SUGCT: variants seen among roughly 807,000 people sequenced by gnomAD.
SUGCT encodes succinyl-CoA:glutarate-CoA transferase.
Under a neutral mutation model 55.0 loss-of-function variants are expected in SUGCT, and 41 were observed. The ratio of observed to expected loss-of-function variants is 0.74; its 90% confidence interval spans 0.58 to 0.97. The LOEUF is 0.97. Among genes scored for constraint, SUGCT ranks in the 50% least tolerant of loss-of-function variants. The pLI is 0.00. For missense variants in SUGCT, 568 were observed against 547.8 expected, an observed-to-expected ratio of 1.04 and a Z score of -0.37; for synonymous variants, 187 against 200.4, an observed-to-expected ratio of 0.93 and a Z score of 0.56.
chr7:40,602,000 T>A (rs941160321), intron 12 of SUGCT, among the ~76,000 whole-genome samples: 4 of 152,226 alleles, frequency 2.6e-5, no homozygotes, highest in Non-Finnish European at 5.9e-5. Context: ...TTTATAGACA[T>A]ACTCTTTCAA....
intron 7 of SUGCT, among the ~76,000 whole-genome samples, chr7:40,269,486 CTAATTTTTGTATTTATCG>C (rs1230188680): frequency 3.3e-5 from 5 of 151,942 alleles, no homozygotes; most frequent in African/African-American, 1.2e-4. Flanking sequence ...CTATGTCTGG[CTAATTTTTGTATTTATCG>C]TAGAGATGTG....
the SUGCT span, among the ~76,000 whole-genome samples, chr7:40,947,015 G>C: frequency 6.6e-6 from 1 of 151,902 alleles, no homozygotes; most frequent in Non-Finnish European, 1.5e-5. Context: ...TTCAAGTTTG[G>C]AAATTTTTCA....
intron 9 of SUGCT, among the ~76,000 whole-genome samples, chr7:40,390,114 AG>A (rs1480146976): frequency 1.3e-5 from 2 of 152,214 alleles, no homozygotes; most frequent in Non-Finnish European, 2.9e-5. Flanking sequence ...TCAATAAAGT[AG>A]GTATTGATGG....
intron 12 of SUGCT, among the ~76,000 whole-genome samples, chr7:40,641,367 G>T (rs1343422265): frequency 6.6e-6 from 1 of 152,138 alleles, no homozygotes; most frequent in Non-Finnish European, 1.5e-5. Context: ...TTTGCAGTGG[G>T]TTAATGAAGT....
At chr7:40,229,828 A>C (rs1009981797) in intron 6 of SUGCT, among the ~76,000 whole-genome samples, 1 of 151,990 alleles carries the variant, frequency 6.6e-6, no homozygotes, top group Admixed American at 6.6e-5. Context: ...AAAAAAAAAA[A>C]AAAGCATCAG....
intron 12 of SUGCT, among the ~76,000 whole-genome samples, chr7:40,635,346 A>G (rs753146102): frequency 6.6e-6 from 1 of 152,148 alleles, no homozygotes. Flanking sequence ...AGTCAATTAC[A>G]TAAAATATTG....
chr7:40,949,446 G>C, the SUGCT span, among the ~76,000 whole-genome samples: 1 of 152,132 alleles, frequency 6.6e-6, no homozygotes, highest in Non-Finnish European at 1.5e-5. Context: ...TTGTGCAGAA[G>C]CTCTTTAGTT....
chr7:40,589,715 T>C (rs1393978850), intron 12 of SUGCT, among the ~76,000 whole-genome samples: 1 of 152,192 alleles, frequency 6.6e-6, no homozygotes, highest in African/African-American at 2.4e-5. Flanking sequence ...TTACTCTTAA[T>C]TGTGTTATAG....
chr7:40,676,894 C>CGCGT, intron 12 of SUGCT, among the ~76,000 whole-genome samples: 1 of 144,056 alleles, frequency 6.9e-6, no homozygotes, highest in East Asian at 2.1e-4. Context: ...TTCAGAATGA[C>CGCGT]GTGTGTGTGT....
chr7:40,875,197 C>T, the SUGCT span, among the ~76,000 whole-genome samples: 2 of 152,204 alleles, frequency 1.3e-5, no homozygotes, highest in Non-Finnish European at 2.9e-5. Flanking sequence ...TAGCACCTGG[C>T]ACAGCATAGG....
At chr7:40,377,899 A>G (rs575093608) in intron 9 of SUGCT, among the ~76,000 whole-genome samples, 1 of 152,162 alleles carries the variant, frequency 6.6e-6, no homozygotes, top group African/African-American at 2.4e-5. Context: ...AGCACTTTAG[A>G]TATAATATGC....
intron 1 of SUGCT, among the ~76,000 whole-genome samples, chr7:40,136,257 C>T (rs1371541949): frequency 6.6e-6 from 1 of 152,176 alleles, no homozygotes; most frequent in East Asian, 1.9e-4. Flanking sequence ...CTCTGCCTCC[C>T]GAAGTGCTGG....
intron 13 of SUGCT, among the ~76,000 whole-genome samples, chr7:40,809,285 A>G (rs920255268): frequency 6.6e-6 from 1 of 152,166 alleles, no homozygotes; most frequent in Non-Finnish European, 1.5e-5. Context: ...GTTTCCATCT[A>G]TGATTTTTCC....
chr7:40,186,114 CCTTCCTTT>C (rs1785491128), intron 3 of SUGCT, among the ~76,000 whole-genome samples: 1 of 149,018 alleles, frequency 6.7e-6, no homozygotes, highest in African/African-American at 2.5e-5. Context: ...TTCCTTCCTT[CCTTCCTTT>C]CTTTCCTTCT....
At chr7:40,560,020 C>T (rs1795752625) in intron 12 of SUGCT, among the ~76,000 whole-genome samples, 1 of 152,154 alleles carries the variant, frequency 6.6e-6, no homozygotes, top group Non-Finnish European at 1.5e-5. Flanking sequence ...TGTTGTGGAT[C>T]AATGGTTCTT....
chr7:40,810,784 A>G (rs1035531980), intron 13 of SUGCT, among the ~76,000 whole-genome samples: 1 of 151,946 alleles, frequency 6.6e-6, no homozygotes, highest in Non-Finnish European at 1.5e-5. Flanking sequence ...CCACTTTTCA[A>G]TTTTTGTTTG....
At chr7:40,489,707 AAAAC>A (rs1190264878) in intron 11 of SUGCT, among the ~76,000 whole-genome samples, 7 of 152,080 alleles carry the variant, frequency 4.6e-5, no homozygotes, top group Non-Finnish European at 8.8e-5. Context: ...ACAAAAAACA[AAAAC>A]AAACAACAGA....
intron 11 of SUGCT, among the ~76,000 whole-genome samples, chr7:40,492,938 T>A (rs1791772912): frequency 6.6e-6 from 1 of 152,184 alleles, no homozygotes; most frequent in Non-Finnish European, 1.5e-5. Flanking sequence ...CAAAACAAAC[T>A]CTTGCTAAAA....
chr7:40,207,355 CAA>C, intron 6 of SUGCT, among the ~76,000 whole-genome samples: 1 of 152,094 alleles, frequency 6.6e-6, no homozygotes, highest in South Asian at 2.1e-4. Flanking sequence ...ACCAAAACCA[CAA>C]CGAGATACCT....
Sources: allele counts gnomAD v4.1 joint callset (sites outside exome capture counted in the v4.1 genomes callset), GRCh38; gene constraint gnomAD v4.1.1; transcripts MANE v1.5; gene names NCBI Gene and HGNC (gene_info 2026-07-23, HGNC 2026-07-21).